Variants in DHRS3 observed in about 807,000 individuals in gnomAD.
DHRS3 encodes the protein dehydrogenase/reductase 3, also known as short-chain dehydrogenase/reductase 3.
DHRS3 carries 14 observed loss-of-function variants against 27.2 expected under a neutral mutation model. The observed-to-expected ratio is 0.52, with a 90% confidence interval of 0.34 to 0.81. The LOEUF is 0.81. Among genes scored for constraint, DHRS3 ranks in the 30% least tolerant of loss-of-function variants. DHRS3 has a pLI of 0.01. For synonymous variants in DHRS3, 165 were observed against 175.9 expected, an observed-to-expected ratio of 0.94 and a Z score of 0.49; for missense variants, 322 against 406.2, an observed-to-expected ratio of 0.79 and a Z score of 1.78.
chr1:12,585,211 A>ATCGCTGTGTGTCTCTGTGAGTGTGTG lies in DHRS3; in HGVS notation c.196-4546_196-4545insCACACACTCACAGAGACACACAGCGA, dbSNP rs1646684272. ...TTTCTGTGTGTGTGTGTGTCTGTGT[A>ATCGCTGTGTGTCTCTGTGAGTGTGTG]TCTCTGTGTGTGTGTGTCTATGTGA... is the stretch of plus-strand genomic sequence containing the variant. On this transcript the variant is annotated intron_variant, in intron 1 of 5. Transcript: ENST00000616661. 4.3e-5 allele frequency among the ~76,000 whole-genome samples: 6 copies of ATCGCTGTGTGTCTCTGTGAGTGTGTG among 140,242 alleles called. No individual in the cohort carries two copies. The East Asian group carries it at 1.2e-3, about 29-fold the overall frequency. The allele number at this position is 140,242 out of a possible 152,430, so 92.0% of individuals were successfully genotyped here. A position where few individuals can be genotyped will look rare whatever the true frequency, so the allele number is the denominator to read the frequency against.
In DHRS3 at chr1:12,617,380, A is replaced by C. The variant is rs777276079; in HGVS notation, c.-32T>G. 1.0e-5 allele frequency: 16 copies of C among 1,588,440 alleles called. No individual in the cohort carries two copies. In the East Asian group the frequency reaches 3.6e-4, roughly 36 times the overall value. ...CGCCGCGGAGCCGGGCAGGGGGCGA[A>C]ACTCCCCGGGCCGAGCAATACAGGA... On this transcript the variant is annotated 5_prime_UTR_variant, in exon 1 of 6. Transcript: ENST00000616661.
chr1:12,615,721 G>C (rs1227584307), intron 1 of DHRS3, among the ~76,000 whole-genome samples: 1 of 152,168 alleles, frequency 6.6e-6, no homozygotes, highest in Non-Finnish European at 1.5e-5. Context: ...ACCCTCATCT[G>C]CCCTTTTCAG....
intron 1 of DHRS3, 70 bp downstream of exon 1, chr1:12,617,084 G>C: frequency 6.7e-7 from 1 of 1,491,406 alleles, no homozygotes; most frequent in Non-Finnish European, 8.9e-7. Context: ...GCGGGATCCC[G>C]CAGCGGCAGC....
At chr1:12,581,052 T>C (rs1646639740) in intron 1 of DHRS3, among the ~76,000 whole-genome samples, 1 of 152,040 alleles carries the variant, frequency 6.6e-6, no homozygotes, top group South Asian at 2.1e-4. Context: ...GGTCTTGAAC[T>C]CCTGGGTTCA....
intron 1 of DHRS3, among the ~76,000 whole-genome samples, chr1:12,581,574 C>T (rs1031137560): frequency 2.0e-5 from 3 of 152,156 alleles, no homozygotes; most frequent in South Asian, 2.1e-4. Flanking sequence ...AGAAGGTGAC[C>T]TTGGCAGGAC....
At chr1:12,612,539 G>A (rs1469237179) in intron 1 of DHRS3, among the ~76,000 whole-genome samples, 1 of 152,084 alleles carries the variant, frequency 6.6e-6, no homozygotes, top group Non-Finnish European at 1.5e-5. Flanking sequence ...AGGCTCAGTC[G>A]AATGCTCCTT....
chr1:12,576,887 A>G (rs1417835572), intron 4 of DHRS3, among the ~76,000 whole-genome samples: 3 of 149,740 alleles, frequency 2.0e-5, no homozygotes, highest in South Asian at 2.2e-4. Flanking sequence ...TGTTACATGT[A>G]TTATTTCTAA....
Position 12,568,392 on chromosome 1 carries a change from T to C in DHRS3, c.857A>G (p.His286Arg). The C allele has an allele frequency of 6.2e-7, 1 of 1,613,910 alleles. No homozygotes were observed. The highest frequency in any genetic ancestry group is 8.5e-7 in the Non-Finnish European group (1 of 1,179,808). Residue 286 changes from histidine (H) to arginine (R), a missense_variant, in exon 6 of 6, where the codon CAC becomes CGC. His to Arg is a conservative substitution (Grantham distance 29). Coordinates refer to ENST00000616661, the MANE Select transcript of DHRS3 (RefSeq NM_004753.7). ...ILPQAALEEIHKFSGTYTCMN... is the reference protein window; with the variant it reads ...ILPQAALEEIRKFSGTYTCMN... ...GCAGGTGTAGGTTCCTGAGAATTTG[T>C]GGATCTCCTCGAGTGCAGCCTGTGG... is the stretch of plus-strand genomic sequence containing the variant.
In DHRS3 at chr1:12,580,807, A is replaced by G; in HGVS notation, c.196-141T>C. On this transcript the variant is annotated intron_variant, in intron 1 of 5. Coordinates refer to ENST00000616661, the MANE Select transcript of DHRS3 (RefSeq NM_004753.7). ...GGTTCCACCCAAAGATAAAGAATAC[A>G]ACATAGATTAATAATATAACTTTTG... 5 of 984,730 alleles carry G rather than the reference A, an allele frequency of 5.1e-6. No homozygotes were observed. In the South Asian group the frequency reaches 8.7e-5, roughly 17 times the overall value. 61.0% of individuals were successfully genotyped at this position (984,730 alleles called of 1,614,324 possible).
In DHRS3 at chr1:12,592,864, C is replaced by T. The variant is rs572698211; in HGVS notation, c.196-12198G>A. Among the ~76,000 whole-genome samples, 2 of 152,346 alleles carry T rather than the reference C, an allele frequency of 1.3e-5. No individual in the cohort carries two copies. Among genetic ancestry groups the T allele is most frequent in the South Asian group, 4.1e-4 (2 of 4,830 alleles). ...CCTCCGAAGGCTCTTCACTGTCCCA[C>T]ATTAAGTGTTTTCTCTCACTGTATG... On this transcript the variant is annotated intron_variant, in intron 1 of 5. Transcript: ENST00000616661. This position sits in a 1 kb window ranked among gnomAD's most constrained non-coding sequence, Gnocchi z 4.2.
intron 1 of DHRS3, among the ~76,000 whole-genome samples, chr1:12,581,509 C>T (rs909408229): frequency 1.3e-5 from 2 of 152,214 alleles, no homozygotes; most frequent in Non-Finnish European, 2.9e-5. Context: ...GAGGCTGCCA[C>T]TGAGAAGGAA....
chr1:12,604,354 C>T (rs190400269), intron 1 of DHRS3, among the ~76,000 whole-genome samples: 432 of 152,320 alleles, frequency 2.8e-3, no homozygotes, highest in South Asian at 0.014. Context: ...AGAAATTCAA[C>T]TGTGCTATTA....
intron 1 of DHRS3, among the ~76,000 whole-genome samples, chr1:12,601,027 A>G (rs1385138795): frequency 6.6e-6 from 1 of 151,862 alleles, no homozygotes; most frequent in Non-Finnish European, 1.5e-5. Context: ...AAATGACCTG[A>G]TAAGGTCTGC....
chr1:12,613,990 C>T (rs1227675183), intron 1 of DHRS3, among the ~76,000 whole-genome samples: 2 of 152,064 alleles, frequency 1.3e-5, no homozygotes, highest in African/African-American at 2.4e-5. Flanking sequence ...AGGCTGGTCT[C>T]GAACTCCTGA....
At chr1:12,584,004 A>C (rs928756320) in intron 1 of DHRS3, among the ~76,000 whole-genome samples, 31 of 132,716 alleles carry the variant, frequency 2.3e-4, no homozygotes, top group Admixed American at 2.3e-3. Context: ...ATGTCAGCCC[A>C]AGGGGTAGGT....
chr1:12,591,676 C>A lies in DHRS3; in HGVS notation c.196-11010G>T, dbSNP rs892467585. Among the ~76,000 whole-genome samples the A allele has an allele frequency of 6.6e-6, 1 of 152,226 alleles. No individual in the cohort carries two copies. On this transcript the variant is annotated intron_variant, in intron 1 of 5. Transcript: ENST00000616661. This position sits in a 1 kb window ranked among gnomAD's most constrained non-coding sequence, Gnocchi z 4.1. ...CTGTCAGCTCAGAAGGGCTCATACCCGAGAAAACTGATACACGAAGGGGCT... is the reference window on the plus strand; with the variant it reads ...CTGTCAGCTCAGAAGGGCTCATACCAGAGAAAACTGATACACGAAGGGGCT...
rs992197670 is a variant in DHRS3 at position 12,591,331 on chromosome 1, C to G, written c.196-10665G>C. Among the ~76,000 whole-genome samples the G allele has an allele frequency of 6.6e-6, 1 of 152,260 alleles. No homozygotes were observed. The highest frequency in any genetic ancestry group is 1.5e-5 in the Non-Finnish European group (1 of 68,048). On this transcript the variant is annotated intron_variant, in intron 1 of 5. Coordinates refer to ENST00000616661, the MANE Select transcript of DHRS3 (RefSeq NM_004753.7). The surrounding 1 kb of genome is among the most constrained non-coding windows in gnomAD (Gnocchi z 4.1). ...GGGCTGCTGAAGCCTAGGCAGGTCT[C>G]TCCCACGTAGCCCTGCAAAACAGGC...
rs1646613770 is a variant in DHRS3 at position 12,578,699 on chromosome 1, G to A, written c.698+19C>T. On this transcript the variant is annotated intron_variant, in intron 4 of 5. Transcript: ENST00000616661. The surrounding 1 kb of genome is among the most constrained non-coding windows in gnomAD (Gnocchi z 4.5). ...CAGGTGAGAAGGCTGGTCTCAAGGT[G>A]GGTCCCCTGCTCACTGACCTGACTC... The A allele has an allele frequency of 6.3e-7, 1 of 1,599,866 alleles. No homozygotes were observed. The highest frequency in any genetic ancestry group is 8.6e-7 in the Non-Finnish European group (1 of 1,167,816).
In DHRS3 at chr1:12,568,249, G is replaced by T; in HGVS notation, c.*91C>A. The T allele has an allele frequency of 8.1e-7, 1 of 1,236,676 alleles. No homozygotes were observed. The highest frequency in any genetic ancestry group is 1.2e-6 in the Non-Finnish European group (1 of 842,876). The allele number at this position is 1,236,676 out of a possible 1,614,324, so 76.6% of individuals were successfully genotyped here. A position where few individuals can be genotyped will look rare whatever the true frequency, so the allele number is the denominator to read the frequency against. On this transcript the variant is annotated 3_prime_UTR_variant, in exon 6 of 6. Coordinates refer to ENST00000616661, the MANE Select transcript of DHRS3 (RefSeq NM_004753.7). ...CAGGAGCTGTCCTGCTCACCCAGCA[G>T]AAGCATGCCAATGGACAGGTGCTCG...
Sources: gnomAD v4.1 joint callset for allele counts (sites outside exome capture counted in the v4.1 genomes callset) on GRCh38, gnomAD v4.1.1 for gene constraint, Gnocchi (gnomAD v3.1) non-coding constraint, MANE v1.5 for transcripts, NCBI Gene and HGNC (gene_info 2026-07-23, HGNC 2026-07-21) for gene names.